SLAMF9: variants seen among roughly 807,000 people sequenced by gnomAD.
SLAMF9 encodes CD2 family member 10.
A neutral mutation model predicts 30.4 loss-of-function variants in SLAMF9; 25 were observed. The ratio of observed to expected loss-of-function variants is 0.82; its 90% confidence interval spans 0.60 to 1.15. The LOEUF (loss-of-function observed/expected upper bound fraction) is 1.15, where lower values mean the gene tolerates loss of function less well. Among genes scored for constraint, SLAMF9 ranks in the 50% most tolerant of loss-of-function variants. The pLI, the probability that SLAMF9 is intolerant of heterozygous loss-of-function variation, is 0.00. For synonymous variants in SLAMF9, 129 were observed against 127.2 expected (o/e 1.01, Z -0.09); for missense variants, 344 against 346.1 (o/e 0.99, Z 0.05).
At chr1:159,969,065 G>T in the SLAMF9 span, among the ~76,000 whole-genome samples, 1 of 152,070 alleles carries the variant, frequency 6.6e-6, no homozygotes, top group South Asian at 2.1e-4. Context: ...AGAAGAAGAG[G>T]TAGGGAAGAG....
upstream of SLAMF9, among the ~76,000 whole-genome samples, chr1:159,956,483 G>T (rs1487463537): frequency 6.6e-6 from 1 of 151,692 alleles, no homozygotes; most frequent in Non-Finnish European, 1.5e-5. Flanking sequence ...CCCAGCCAGG[G>T]GTAAGAGAGA....
the SLAMF9 span, among the ~76,000 whole-genome samples, chr1:159,968,440 C>T: frequency 1.3e-5 from 2 of 152,204 alleles, no homozygotes; most frequent in Non-Finnish European, 2.9e-5. Flanking sequence ...CACTCCTCTC[C>T]TTCCCATTAA....
rs1651749895 is a variant in SLAMF9, at chr1:159,951,698, A to T, written c.833T>A (p.Leu278Ter). Reference sequence around the variant, plus strand: ...GGAGCCAGGCTTTGCCTCCTTCCTCAATTTCATTCTGTTTCTCATGAGTTT... The same window carrying T: ...GGAGCCAGGCTTTGCCTCCTTCCTCTATTTCATTCTGTTTCTCATGAGTTT... ...MKKLMRNRMK[L>*]RKEAKPGSSP... is the part of the protein sequence containing the mutation. Residue 278 changes from leucine (L) to a stop codon, truncating the protein, a stop_gained, in exon 4 of 4, where the codon TTG (leucine) becomes TAG (stop). Coordinates refer to ENST00000368093, the MANE Select transcript of SLAMF9 (RefSeq NM_033438.4). LOFTEE classifies it high-confidence loss of function. 2 of 1,614,042 alleles carry T rather than the reference A, an allele frequency of 1.2e-6. No individual in the cohort carries two copies. The highest frequency in any genetic ancestry group is 2.7e-5 in the African/African-American group (2 of 74,912).
chr1:159,973,995 C>T, the SLAMF9 span: 11 of 1,609,784 alleles, frequency 6.8e-6, no homozygotes, highest in Non-Finnish European at 8.5e-6. Context: ...ATTCTTCCAT[C>T]CCTGACATCA....
At chr1:159,958,772 A>AT (rs1480498539), upstream of SLAMF9, among the ~76,000 whole-genome samples, 3 of 152,136 alleles carry the variant, frequency 2.0e-5, no homozygotes, top group African/African-American at 7.2e-5. Context: ...GCCAAGTGTA[A>AT]TTTTCATTCT....
chr1:159,970,395 C>T, the SLAMF9 span, among the ~76,000 whole-genome samples: 2 of 152,344 alleles, frequency 1.3e-5, no homozygotes, highest in East Asian at 1.9e-4. Flanking sequence ...GCTAAAGATG[C>T]TGTTCATTAT....
At chr1:159,959,274 C>G in the SLAMF9 span, among the ~76,000 whole-genome samples, 1 of 152,082 alleles carries the variant, frequency 6.6e-6, no homozygotes. Flanking sequence ...AAGTTTCTCT[C>G]TTACCACTGG....
At chr1:159,980,885 A>G in the SLAMF9 span, among the ~76,000 whole-genome samples, 2 of 151,558 alleles carry the variant, frequency 1.3e-5, no homozygotes, top group Non-Finnish European at 2.9e-5. Flanking sequence ...CTCTTCCATC[A>G]CTCTCTGCAT....
At chr1:159,980,986 C>T in the SLAMF9 span, among the ~76,000 whole-genome samples, 1 of 152,216 alleles carries the variant, frequency 6.6e-6, no homozygotes, top group African/African-American at 2.4e-5. Context: ...ACTAAGGGAC[C>T]AGGGCTCTTG....
chr1:159,952,429 G>A lies in SLAMF9; in HGVS notation c.497C>T (p.Thr166Ile), dbSNP rs770532320. 1.9e-6 allele frequency: 3 copies of A among 1,614,062 alleles called. No individual in the cohort carries two copies. Among genetic ancestry groups the A allele is most frequent in the East Asian group, 4.5e-5 (2 of 44,868 alleles). The part of the protein sequence containing the change: ...CSVEKAGMDM[T>I]YSWLSRGDST... ...ATCCCCCCGGGAGAGCCAGCTGTAG[G>A]TCATATCCATGCCTGCCTTCTCCAC... The change falls in exon 3 of 4, where the codon ACC becomes ATC. Residue 166 changes from threonine to isoleucine, a missense_variant. Transcript: ENST00000368093.
the SLAMF9 span, among the ~76,000 whole-genome samples, chr1:159,982,495 C>T: frequency 1.1e-4 from 16 of 152,258 alleles, no homozygotes; most frequent in Middle Eastern, 3.4e-3. Context: ...GTTCCCTTCT[C>T]GATAGAGGTT....
chr1:159,961,642 T>G, the SLAMF9 span, among the ~76,000 whole-genome samples: 1 of 152,204 alleles, frequency 6.6e-6, no homozygotes, highest in Non-Finnish European at 1.5e-5. Context: ...AAGGAGTCAT[T>G]GTGAAACAAA....
rs1167477537 is a variant in SLAMF9 at position 159,952,258 on chromosome 1, G to C, written c.664+4C>G. 1 of 1,613,532 alleles carries C rather than the reference G, an allele frequency of 6.2e-7. No homozygotes were observed. Among genetic ancestry groups the C allele is most frequent in the South Asian group, 1.1e-5 (1 of 91,038 alleles). On this transcript the variant is annotated splice_donor_region_variant and intron_variant, in intron 3 of 3. Coordinates refer to ENST00000368093, the MANE Select transcript of SLAMF9 (RefSeq NM_033438.4). ...CTCAGGGGGTGTCTCAGGGGTTCTG[G>C]TACCTGCATAGAAGGGCCCATCAGG...
the SLAMF9 span, among the ~76,000 whole-genome samples, chr1:159,969,189 G>A: frequency 1.3e-5 from 2 of 151,582 alleles, no homozygotes; most frequent in African/African-American, 2.4e-5. Flanking sequence ...AAGAGGTGGA[G>A]AGAAGTTTTC....
At chr1:159,976,086 A>AGTGTGTGTGTGT in the SLAMF9 span, among the ~76,000 whole-genome samples, 28 of 148,278 alleles carry the variant, frequency 1.9e-4, no homozygotes, top group African/African-American at 5.2e-4. Flanking sequence ...TATAGGTTGT[A>AGTGTGTGTGTGT]GTGTGTGTGT....
At chr1:159,962,089 T>C in the SLAMF9 span, among the ~76,000 whole-genome samples, 1 of 150,654 alleles carries the variant, frequency 6.6e-6, no homozygotes, top group Non-Finnish European at 1.5e-5. Context: ...ACCCAGGAGC[T>C]AGAGGTTTCA....
chr1:159,966,541 CT>C, the SLAMF9 span, among the ~76,000 whole-genome samples: 17 of 152,198 alleles, frequency 1.1e-4, no homozygotes, highest in African/African-American at 4.1e-4. Flanking sequence ...AACCTCCATA[CT>C]GTTTTCCATA....
rs1418072509 is a variant in SLAMF9, at chr1:159,952,541, G to T, written c.392-7C>A. 13 of 1,612,720 alleles carry T rather than the reference G, an allele frequency of 8.1e-6. No homozygotes were observed. Among genetic ancestry groups the T allele is most frequent in the African/African-American group, 1.3e-5 (1 of 74,900 alleles). ...TGGGGCTCTGACAGCCATCCTGGAT[G>T]AAGGGGAAACACAAAGACCCTCTAA... is the stretch of plus-strand genomic sequence containing the variant. On this transcript the variant is annotated splice_region_variant and splice_polypyrimidine_tract_variant and intron_variant, in intron 2 of 3. Coordinates refer to ENST00000368093, the MANE Select transcript of SLAMF9 (RefSeq NM_033438.4).
chr1:159,968,505 A>G, the SLAMF9 span, among the ~76,000 whole-genome samples: 1 of 152,158 alleles, frequency 6.6e-6, no homozygotes, highest in Non-Finnish European at 1.5e-5. Context: ...AGTTCCCCAA[A>G]TACCCTGCCA....
Sources: gnomAD v4.1 joint callset for allele counts (sites outside exome capture counted in the v4.1 genomes callset) on GRCh38, gnomAD v4.1.1 for gene constraint, MANE v1.5 for transcripts, NCBI Gene and HGNC (gene_info 2026-07-23, HGNC 2026-07-21) for gene names.